The following SMAD6 variants were observed in gnomAD, a reference collection of about 807,000 sequenced individuals.
SMAD6 encodes the protein SMAD family member 6.
A neutral mutation model predicts 39.4 loss-of-function variants in SMAD6; 103 were observed. The ratio of observed to expected loss-of-function variants is 2.62; its 90% CI spans 2.23 to 3.08. The LOEUF is 3.08. Among genes scored for constraint, SMAD6 ranks in the 30% most tolerant of loss-of-function variants. SMAD6 has a pLI of 0.00. For missense variants in SMAD6, 1,104 were observed against 742.9 expected (o/e 1.49, Z -5.65); for synonymous variants, 445 against 353.3 (o/e 1.26, Z -2.91).
chr15:66,711,706 G>GACGAGTACAAGCC lies in SMAD6; in HGVS notation c.859_871dup (p.Leu291ArgfsTer16). ...TCCCTACTCTCGGCTGTCTCCTCGC[G>GACGAGTACAAGCC]ACGAGTACAAGCCACTGGGTAAGTG... On this transcript the variant is annotated frameshift_variant, in exon 2 of 4. Coordinates refer to ENST00000288840, the MANE Select transcript of SMAD6 (RefSeq NM_005585.5). LOFTEE classifies it high-confidence loss of function. The GACGAGTACAAGCC allele has an allele frequency of 6.2e-7, 1 of 1,613,332 alleles. No homozygotes were observed. The highest frequency in any genetic ancestry group is 8.5e-7 in the Non-Finnish European group (1 of 1,179,848).
At chr15:66,704,181 C>T (rs1264326983) in intron 1 of SMAD6, 106 bp downstream of exon 1, 6 of 955,564 alleles carry the variant, frequency 6.3e-6, no homozygotes. Flanking sequence ...GGGTGCTCCC[C>T]CGGGTGCCCT....
At chr15:66,745,862 T>C (rs1046356467) in intron 3 of SMAD6, among the ~76,000 whole-genome samples, 1 of 152,166 alleles carries the variant, frequency 6.6e-6, no homozygotes, top group African/African-American at 2.4e-5. Flanking sequence ...AAGAACCACA[T>C]GGTGTGAAGT....
In SMAD6 at chr15:66,711,827, G is replaced by C. The variant is rs535069176; in HGVS notation, c.874+103G>C. The C allele has an allele frequency of 2.1e-3, 1,969 of 958,272 alleles. 5 individuals carry two copies. The highest frequency in any genetic ancestry group is 3.0e-3 in the Non-Finnish European group (1,787 of 591,440). 59.4% of individuals were successfully genotyped at this position (958,272 alleles called of 1,614,324 possible). ...TCAGGGCTGGAGGGCTGGAGGGCTG[G>C]AGGGGAGGGGTGAAAGCCGGACTGG... On this transcript the variant is annotated intron_variant, in intron 2 of 3. Transcript: ENST00000288840.
At chr15:66,718,956 G>T (rs1893382627) in intron 3 of SMAD6, among the ~76,000 whole-genome samples, 3 of 152,178 alleles carry the variant, frequency 2.0e-5, no homozygotes, top group Non-Finnish European at 4.4e-5. Flanking sequence ...CCAGGCCGGG[G>T]CATTTGATGT....
chr15:66,742,951 A>G (rs1041330559), intron 3 of SMAD6, among the ~76,000 whole-genome samples: 1 of 152,118 alleles, frequency 6.6e-6, no homozygotes, highest in African/African-American at 2.4e-5. Flanking sequence ...GCATTCCAGA[A>G]CAGCTGCCCT....
intron 1 of SMAD6, chr15:66,707,650 G>A (rs1893144058): frequency 6.6e-6 from 1 of 152,322 alleles, no homozygotes; most frequent in Admixed American, 6.5e-5. Context: ...CTGGCTGCCA[G>A]GGGAATCTGG....
At chr15:66,768,940 C>T (rs1380852148) in intron 3 of SMAD6, among the ~76,000 whole-genome samples, 3 of 152,182 alleles carry the variant, frequency 2.0e-5, no homozygotes, top group East Asian at 1.9e-4. Flanking sequence ...GATGGAGACA[C>T]GTACCCTTCT....
intron 3 of SMAD6, among the ~76,000 whole-genome samples, chr15:66,763,480 G>C (rs967931150): frequency 1.6e-4 from 24 of 152,210 alleles, no homozygotes; most frequent in African/African-American, 5.1e-4. Flanking sequence ...TTGAGCTGGA[G>C]CAGCCCTCGG....
At chr15:66,764,564 T>G (rs372479828) in intron 3 of SMAD6, among the ~76,000 whole-genome samples, 58 of 152,274 alleles carry the variant, frequency 3.8e-4, no homozygotes, top group East Asian at 3.7e-3. Context: ...AGCATGAGAT[T>G]TAAAGATCTT....
chr15:66,769,148 A>C (rs1322160774), intron 3 of SMAD6, among the ~76,000 whole-genome samples: 2 of 152,108 alleles, frequency 1.3e-5, no homozygotes, highest in East Asian at 3.9e-4. Context: ...AAAACCCCTT[A>C]ACCTGTGAGT....
At chr15:66,707,728 G>A (rs71398279) in intron 1 of SMAD6, 1 of 152,320 alleles carries the variant, frequency 6.6e-6, no homozygotes, top group Non-Finnish European at 1.5e-5. Flanking sequence ...ATGGGGCTTA[G>A]GGTTGAGTCT....
Position 66,747,242 on chromosome 15 carries a change from C to A in SMAD6, c.952+30744C>A, listed in dbSNP as rs1893923136. 2.6e-5 allele frequency among the ~76,000 whole-genome samples: 4 copies of A among 152,276 alleles called. No individual in the cohort carries two copies. The highest frequency in any genetic ancestry group is 2.0e-4 in the Admixed American group (3 of 15,294). On this transcript the variant is annotated intron_variant, in intron 3 of 3. Transcript: ENST00000288840. This position sits in a 1 kb window ranked among gnomAD's most constrained non-coding sequence, Gnocchi z 4.5. Reference sequence around the variant, plus strand: ...GCGTGGTTTGCTGTGTTTGCATGGCCAGGCCAGCGGGATATGGATGGGCCA... The same window carrying A: ...GCGTGGTTTGCTGTGTTTGCATGGCAAGGCCAGCGGGATATGGATGGGCCA...
At chr15:66,780,746 C>T (rs778461002) in intron 3 of SMAD6, among the ~76,000 whole-genome samples, 12 of 152,216 alleles carry the variant, frequency 7.9e-5, no homozygotes, top group Non-Finnish European at 1.5e-4. Context: ...ACAACAGGTG[C>T]TCTCTGGCTT....
rs958656392 is a variant in SMAD6, at chr15:66,703,955, C to G, written c.697C>G (p.Pro233Ala). 2.8e-6 allele frequency: 4 copies of G among 1,426,910 alleles called. No homozygotes were observed. The highest frequency in any genetic ancestry group is 2.6e-5 in the Admixed American group (1 of 38,564). 88.4% of individuals were successfully genotyped at this position (1,426,910 alleles called of 1,614,324 possible). The change falls in exon 1 of 4, where the codon CCC (proline) becomes GCC (alanine). Residue 233 changes from proline (P) to alanine (A), a missense_variant. By Grantham distance (27) the Pro-to-Ala change is conservative (BLOSUM62 -1). Coordinates refer to ENST00000288840, the MANE Select transcript of SMAD6 (RefSeq NM_005585.5). ...QLLLGRLFRWPDLQHAVELKP... is the reference protein window; with the variant it reads ...QLLLGRLFRWADLQHAVELKP... ...GCTGCTCGGCCGCCTCTTTCGCTGG[C>G]CCGACCTGCAGCACGCCGTGGAGCT...
chr15:66,777,667 G>T (rs917964936), intron 3 of SMAD6, among the ~76,000 whole-genome samples: 4 of 152,126 alleles, frequency 2.6e-5, no homozygotes, highest in African/African-American at 9.7e-5. Flanking sequence ...GACCAGGAGC[G>T]CAGACACCTG....
rs202195771 is a variant in SMAD6, at chr15:66,750,743, G to A, written c.953-30254G>A. Among the ~76,000 whole-genome samples the A allele has an allele frequency of 1.1e-3, 169 of 152,232 alleles. 2 individuals carry two copies. Among genetic ancestry groups the A allele is most frequent in the African/African-American group, 3.5e-3 (145 of 41,530 alleles). On this transcript the variant is annotated intron_variant, in intron 3 of 3. Transcript: ENST00000288840. ...CTGTGGGCAGTCGGAGCCGAATCCCGCTGGGAACTTAGGGAAGCAATACAG... is the reference window on the plus strand; with the variant it reads ...CTGTGGGCAGTCGGAGCCGAATCCCACTGGGAACTTAGGGAAGCAATACAG...
intron 2 of SMAD6, among the ~76,000 whole-genome samples, chr15:66,715,298 A>AAG (rs1394936914): frequency 1.3e-5 from 2 of 151,978 alleles, no homozygotes; most frequent in Non-Finnish European, 2.9e-5. Context: ...GGAAAAAAAA[A>AAG]AAAAAGGCCA....
At chr15:66,763,913 T>C (rs1457019721) in intron 3 of SMAD6, among the ~76,000 whole-genome samples, 1 of 152,218 alleles carries the variant, frequency 6.6e-6, no homozygotes, top group Non-Finnish European at 1.5e-5. Flanking sequence ...CATGTTGGCA[T>C]GCCAGAGCCA....
chr15:66,716,973 T>G, intron 3 of SMAD6: 1 of 1,288,666 alleles, frequency 7.8e-7, no homozygotes, highest in South Asian at 1.2e-5. Flanking sequence ...AGTGAGGAGT[T>G]TGGCAAAGCC....
Sources: allele counts gnomAD v4.1 joint callset (sites outside exome capture counted in the v4.1 genomes callset), GRCh38; gene constraint gnomAD v4.1.1; non-coding constraint Gnocchi (gnomAD v3.1); transcripts MANE v1.5; gene names NCBI Gene and HGNC (gene_info 2026-07-23, HGNC 2026-07-21).